The following IRS4 variants were observed in gnomAD, a reference collection of about 807,000 sequenced individuals.
IRS4 encodes the protein 160 kDa phosphotyrosine protein.
Under a neutral mutation model 48.6 loss-of-function variants are expected in IRS4, and 15 were observed. The observed-to-expected ratio is 0.31, with a 90% CI of 0.21 to 0.48. The LOEUF (loss-of-function observed/expected upper bound fraction) is 0.48. IRS4 is among the 20% of genes least tolerant of loss of function. The pLI, the probability that IRS4 is intolerant of heterozygous loss-of-function variation, is 0.99. For missense variants in IRS4, 987 were observed against 1,023.4 expected (o/e 0.96, Z 0.49); for synonymous variants, 459 against 413.2 (o/e 1.11, Z -1.34).
intron 1 of IRS4, among the ~76,000 whole-genome samples, chrX:108,731,785 C>G (rs2068903133): frequency 9.0e-6 from 1 of 111,494 alleles, no homozygotes; most frequent in Non-Finnish European, 1.9e-5. Context: ...GTCACCACAC[C>G]CTCTTTTAGA....
rs775726984 is a variant in IRS4 at position 108,735,948 on chromosome X, C to T, written c.397G>A (p.Ala133Thr). The T allele has an allele frequency of 5.8e-6, 7 of 1,203,341 alleles. No homozygotes were observed. The highest frequency in any genetic ancestry group is 7.9e-6 in the Non-Finnish European group (7 of 891,604). The change falls in exon 1 of 2, where the codon GCC (alanine) becomes ACC (threonine). Residue 133 changes from alanine (A) to threonine (T), a missense_variant. Physicochemically the swap from Ala to Thr is moderately conservative, Grantham distance 58. Around this residue, in one of 4 missense-constraint regions of IRS4, gnomAD observed 173 missense variants for 208.9 expected, o/e 0.83. Coordinates refer to ENST00000372129, the MANE Select transcript of IRS4 (RefSeq NM_001379150.1). Reference sequence around the variant, plus strand: ...AGCGGGGGGATCGCGGCGCCAGAGGCGGCCGCCGCTGCTGCAGCCGCCGCG... The same window carrying T: ...AGCGGGGGGATCGCGGCGCCAGAGGTGGCCGCCGCTGCTGCAGCCGCCGCG... ...RAAAAAAAAA[A>T]SGAAIPPLIP...
chrX:108,729,652 GTTTC>G (rs1341246531), intron 1 of IRS4, among the ~76,000 whole-genome samples: 1 of 111,823 alleles, frequency 8.9e-6, no homozygotes, highest in African/African-American at 3.2e-5. Flanking sequence ...ACTTCTGGGT[GTTTC>G]TTTCTAATCG....
At position 108,735,921 on chromosome X, in the gene IRS4, T is replaced by C; in HGVS notation, c.424A>G (p.Ile142Val). ...AASGAAIPPL[I>V]PPRRVITLYQ... ...AGGGTGATCACGCGCCGCGGTGGAA[T>C]GAGCGGGGGGATCGCGGCGCCAGAG... Residue 142 changes from isoleucine to valine, a missense_variant, in exon 1 of 2, where the codon ATT becomes GTT. Physicochemically the swap from Ile to Val is conservative, Grantham distance 29. Around this residue, in one of 4 missense-constraint regions of IRS4, gnomAD observed 173 missense variants for 208.9 expected, o/e 0.83. Coordinates refer to ENST00000372129, the MANE Select transcript of IRS4 (RefSeq NM_001379150.1). 1 of 1,208,740 alleles carries C rather than the reference T, an allele frequency of 8.3e-7. No homozygotes were observed. The highest frequency in any genetic ancestry group is 3.0e-5 in the East Asian group (1 of 33,625).
intron 1 of IRS4, chrX:108,726,086 G>C (rs1403163942): frequency 8.9e-6 from 1 of 112,621 alleles, no homozygotes; most frequent in African/African-American, 3.2e-5. Flanking sequence ...CAAGTTACTA[G>C]AATTCTAATA....
chrX:108,732,979 C>T lies in IRS4; in HGVS notation c.3366G>A (p.Ser1122=). The change falls in exon 1 of 2, where the codon TCG becomes TCA. Residue 1122 remains serine (S), a synonymous_variant. Coordinates refer to ENST00000372129, the MANE Select transcript of IRS4 (RefSeq NM_001379150.1). ...TGAGGGCTAAAGTCGGCTCTGCAGC[C>T]GAAGCGACAGCCGGGGCTGAGGATG... ...LSPSSAPAVA[S]AAEPTLALSQ... 1 of 1,202,798 alleles carries T rather than the reference C, an allele frequency of 8.3e-7. No homozygotes were observed. Among genetic ancestry groups the T allele is most frequent in the Non-Finnish European group, 1.1e-6 (1 of 888,796 alleles).
At chrX:108,728,726 G>A (rs1024713758) in intron 1 of IRS4, among the ~76,000 whole-genome samples, 7 of 111,855 alleles carry the variant, frequency 6.3e-5, no homozygotes, top group African/African-American at 1.3e-4. Flanking sequence ...CCCTACACTC[G>A]TCAGCCACAT....
rs1240900066 is a variant in IRS4, at chrX:108,734,652, C to A, written c.1693G>T (p.Gly565Ter). 1 of 1,209,304 alleles carries A rather than the reference C, an allele frequency of 8.3e-7. No homozygotes were observed. Among genetic ancestry groups the A allele is most frequent in the Non-Finnish European group, 1.1e-6 (1 of 895,056 alleles). ...CCACCACCTGAGCCATGCCCACCTCCAGGTCTCTGGCCACCACCTGAACCG... is the reference window on the plus strand; with the variant it reads ...CCACCACCTGAGCCATGCCCACCTCAAGGTCTCTGGCCACCACCTGAACCG... ...GHGSGGGQRPGGGHGSGGGQG... is the reference protein window; with the variant it reads ...GHGSGGGQRP Residue 565 changes from glycine to a stop codon, truncating the protein, a stop_gained, in exon 1 of 2, where the codon GGA becomes TGA. Transcript: ENST00000372129. LOFTEE classifies it high-confidence loss of function.
chrX:108,732,809 T>C lies in IRS4; in HGVS notation c.3536A>G (p.Gln1179Arg), dbSNP rs142845302. ...AADAEAVRGA[Q>R]DVAGGSNPGA... The stretch of plus-strand genomic sequence containing the variant: ...AGGGTTCGAGCCACCGGCAACGTCT[T>C]GGGCTCCCCTTACTGCTTCGGCATC... Residue 1179 changes from glutamine (Q) to arginine (R), a missense_variant, in exon 1 of 2, where the codon CAA becomes CGA. Around this residue, in one of 4 missense-constraint regions of IRS4, gnomAD observed 720 missense variants for 660.3 expected, o/e 1.09. Coordinates refer to ENST00000372129, the MANE Select transcript of IRS4 (RefSeq NM_001379150.1). The C allele has an allele frequency of 4.0e-5, 48 of 1,186,453 alleles. No individual in the cohort carries two copies. In the African/African-American group the frequency reaches 8.1e-4, roughly 20 times the overall value.
At position 108,722,913 on chromosome X, in the gene IRS4, T is replaced by C. The variant is rs916134382; in HGVS notation, c.3767-390A>G. 6 of 118,354 alleles carry C rather than the reference T, an allele frequency of 5.1e-5. No individual in the cohort carries two copies. In the Admixed American group the frequency reaches 5.3e-4, roughly 10 times the overall value. 9.8% of individuals were successfully genotyped at this position (118,354 alleles called of 1,213,427 possible). On this transcript the variant is annotated intron_variant, in intron 1 of 1. Coordinates refer to ENST00000372129, the MANE Select transcript of IRS4 (RefSeq NM_001379150.1). ...GTTTGACTCTGCCTTCACCAGGTTATGTGGCACAAGTCATAGGATTTAAGT... is the reference window on the plus strand; with the variant it reads ...GTTTGACTCTGCCTTCACCAGGTTACGTGGCACAAGTCATAGGATTTAAGT...
At chrX:108,722,544 CA>C (rs1199348645) in intron 1 of IRS4, 21 bp from the exon 2 acceptor site, 6 of 325,190 alleles carry the variant, frequency 1.8e-5, no homozygotes, top group Non-Finnish European at 3.6e-5. Context: ...GATAATAAAA[CA>C]AAAGTTACTT....
rs1039531486 is a variant in IRS4 at position 108,732,068 on chromosome X, C to A, written c.3766+511G>T. ...AAATCACAGCAAACTAGCACAACAACGACTGCTCTTTAAAAAGTAACTTTC... is the reference window on the plus strand; with the variant it reads ...AAATCACAGCAAACTAGCACAACAAAGACTGCTCTTTAAAAAGTAACTTTC... On this transcript the variant is annotated intron_variant, in intron 1 of 1. Coordinates refer to ENST00000372129, the MANE Select transcript of IRS4 (RefSeq NM_001379150.1). Among the ~76,000 whole-genome samples the A allele has an allele frequency of 4.4e-5, 5 of 112,428 alleles. No individual in the cohort carries two copies. The East Asian group carries it at 8.3e-4, about 19-fold the overall frequency.
chrX:108,729,532 TCTC>T (rs1305544744), intron 1 of IRS4, among the ~76,000 whole-genome samples: 1 of 111,803 alleles, frequency 8.9e-6, no homozygotes, highest in African/African-American at 3.2e-5. Flanking sequence ...ACAACATTCT[TCTC>T]CTAAATGCTA....
At chrX:108,726,965 A>C (rs188190664) in intron 1 of IRS4, 1 of 112,098 alleles carries the variant, frequency 8.9e-6, no homozygotes, top group African/African-American at 3.2e-5. Flanking sequence ...GGAGTGATCA[A>C]CATCTGGCGA....
At position 108,721,038 on chromosome X, in the gene IRS4, A is replaced by G. The variant is rs1278762795; in HGVS notation, c.*1481T>C. ...ATATTACACTACTTCAAAGTTGCAC[A>G]TTAAATGCGAAGCAAATTTCATTTT... On this transcript the variant is annotated 3_prime_UTR_variant, in exon 2 of 2. Transcript: ENST00000372129. 8.8e-6 allele frequency: 1 copy of G among 113,335 alleles called. No individual in the cohort carries two copies. Among genetic ancestry groups the G allele is most frequent in the Non-Finnish European group, 1.9e-5 (1 of 53,489 alleles). 9.3% of individuals were successfully genotyped at this position (113,335 alleles called of 1,213,427 possible).
Position 108,733,118 on chromosome X carries a change from T to G in IRS4, c.3227A>C (p.Gln1076Pro). ...GCGTCTTCTCTCCTGCTCTTCTTCC[T>G]GCAGCAGCCTAGCTACAGGTGGTGG... The part of the protein sequence containing the change: ...SEPPPVARLL[Q>P]EEEQERRRPQ... The change falls in exon 1 of 2, where the codon CAG becomes CCG. Residue 1076 changes from glutamine to proline, a missense_variant. This residue lies in a region of IRS4 where 720 missense variants were observed against 660.3 expected (regional missense o/e 1.09). Transcript: ENST00000372129. The G allele has an allele frequency of 8.3e-7, 1 of 1,211,449 alleles. No individual in the cohort carries two copies.
chrX:108,724,050 A>G (rs1330521286), intron 1 of IRS4: 1 of 112,464 alleles, frequency 8.9e-6, no homozygotes, highest in Admixed American at 9.4e-5. Flanking sequence ...AAATATTTTC[A>G]TATGTCCATA....
rs762596601 is a variant in IRS4 at position 108,736,268 on chromosome X, A to G, written c.77T>C (p.Leu26Pro). ...AAGCGGGGTGGTCACCACTGCTGCT[A>G]GAGCTGCCGCTGCCGCCGCTGCTGC... is the stretch of plus-strand genomic sequence containing the variant. ...RGAAAAAAAA[L>P]AAVVTTPLLS... Residue 26 changes from leucine (L) to proline (P), a missense_variant, in exon 1 of 2, where the codon CTA becomes CCA. Physicochemically the swap from Leu to Pro is moderately conservative, Grantham distance 98. Transcript: ENST00000372129. 1 of 1,210,429 alleles carries G rather than the reference A, an allele frequency of 8.3e-7. No homozygotes were observed. The highest frequency in any genetic ancestry group is 1.1e-6 in the Non-Finnish European group (1 of 895,191).
intron 1 of IRS4, among the ~76,000 whole-genome samples, chrX:108,730,292 CCATCAA>C (rs1400346700): frequency 9.1e-6 from 1 of 109,570 alleles, no homozygotes; most frequent in Non-Finnish European, 1.9e-5. Context: ...TGTTTCACCA[CCATCAA>C]CACCACCACC....
chrX:108,734,908 A>G lies in IRS4; in HGVS notation c.1437T>C (p.Asp479=). 1 of 1,211,651 alleles carries G rather than the reference A, an allele frequency of 8.3e-7. No homozygotes were observed. Among genetic ancestry groups the G allele is most frequent in the Non-Finnish European group, 1.1e-6 (1 of 895,510 alleles). The stretch of plus-strand genomic sequence containing the variant: ...TGTAGTCACCTCCGCTTCCTTCCTG[A>G]TCTTCTTTGCCCTGGGGATTGCCTT... The part of the protein sequence containing the change: ...GEEGNPQGKE[D]QEGSGGDYMP... Residue 479 remains aspartate, a synonymous_variant, in exon 1 of 2, where the codon GAT becomes GAC. Coordinates refer to ENST00000372129, the MANE Select transcript of IRS4 (RefSeq NM_001379150.1).
Sources: gnomAD v4.1 joint callset for allele counts (sites outside exome capture counted in the v4.1 genomes callset) on GRCh38, gnomAD v4.1.1 for gene constraint, gnomAD v4.1.1 regional missense constraint, MANE v1.5 for transcripts, NCBI Gene and HGNC (gene_info 2026-07-23, HGNC 2026-07-21) for gene names.